Variants in CUX1 observed in about 807,000 individuals in gnomAD.
CUX1 encodes the protein cut like homeobox 1.
In CUX1, 31 loss-of-function variants were observed where a neutral mutation model predicts 158.8. That is an observed-to-expected ratio of 0.20 (90% CI 0.15 to 0.26). CUX1 has a LOEUF of 0.26. CUX1 is among the 10% of genes least tolerant of loss of function. CUX1 has a pLI of 1.00. For missense variants in CUX1, 1,589 were observed against 2,014.6 expected, an observed-to-expected ratio of 0.79 and a Z score of 4.04; for synonymous variants, 879 against 862.1, an observed-to-expected ratio of 1.02 and a Z score of -0.34.
At chr7:102,188,340 C>G (rs1299029976) in intron 11 of CUX1, among the ~76,000 whole-genome samples, 1 of 152,160 alleles carries the variant, frequency 6.6e-6, no homozygotes, top group Non-Finnish European at 1.5e-5. Flanking sequence ...CGGCACCGCC[C>G]CTCCATATTC....
rs541073733 is a variant in CUX1 at position 101,952,219 on chromosome 7, C to CA, written c.141+36003dup. Among the ~76,000 whole-genome samples, 432 of 150,474 alleles carry CA rather than the reference C, an allele frequency of 2.9e-3. 4 individuals carry two copies. Among genetic ancestry groups the CA allele is most frequent in the South Asian group, 0.015 (73 of 4,730 alleles). On this transcript the variant is annotated intron_variant, in intron 2 of 23. Transcript: ENST00000292535. ...GCAACATAGCGAGACCCCGTCTCTA[C>CA]AAAAAAAAATACAAAAATTAGCTAG...
At chr7:102,247,640 A>C (rs1554537398) in intron 23 of CUX1, among the ~76,000 whole-genome samples, 1 of 152,154 alleles carries the variant, frequency 6.6e-6, no homozygotes, top group African/African-American at 2.4e-5. Context: ...CCTGGGCAAC[A>C]TGGCAAGACT....
At chr7:102,015,967 T>C (rs1449172027) in intron 2 of CUX1, among the ~76,000 whole-genome samples, 2 of 152,010 alleles carry the variant, frequency 1.3e-5, no homozygotes, top group East Asian at 3.9e-4. Context: ...CACATGCCAC[T>C]ACACGTGGCT....
At chr7:102,080,081 C>T (rs1466675998) in intron 4 of CUX1, among the ~76,000 whole-genome samples, 2 of 152,204 alleles carry the variant, frequency 1.3e-5, no homozygotes, top group Admixed American at 6.5e-5. Context: ...GACAAGCAGG[C>T]ATGACAAGAT....
In CUX1 at chr7:102,248,353, C is replaced by T. The variant is rs139336097; in HGVS notation, c.3888-59C>T. 1.4e-6 allele frequency: 2 copies of T among 1,463,882 alleles called. No individual in the cohort carries two copies. The highest frequency in any genetic ancestry group is 1.8e-6 in the Non-Finnish European group (2 of 1,089,636). 90.7% of individuals were successfully genotyped at this position (1,463,882 alleles called of 1,614,324 possible). Reference sequence around the variant, plus strand: ...AGAGAGGGGTCTGGCTGGGGTAGCACCAGAGGCCCTTTCCCCAGCAGCACC... The same window carrying T: ...AGAGAGGGGTCTGGCTGGGGTAGCATCAGAGGCCCTTTCCCCAGCAGCACC... On this transcript the variant is annotated intron_variant, in intron 23 of 23. Coordinates refer to ENST00000292535, the MANE Select transcript of CUX1 (RefSeq NM_181552.4). This position sits in a 1 kb window ranked among gnomAD's most constrained non-coding sequence, Gnocchi z 5.8.
rs759647619 is a variant in CUX1 at position 101,916,080 on chromosome 7, A to G, written c.31-35A>G. 5 of 1,455,504 alleles carry G rather than the reference A, an allele frequency of 3.4e-6. No homozygotes were observed. In the African/African-American group the frequency reaches 4.2e-5, roughly 12 times the overall value. The allele number at this position is 1,455,504 out of a possible 1,614,324, so 90.2% of individuals were successfully genotyped here. A position where few individuals can be genotyped will look rare whatever the true frequency, so the allele number is the denominator to read the frequency against. On this transcript the variant is annotated intron_variant, in intron 1 of 23. Transcript: ENST00000292535. The surrounding 1 kb of genome is among the most constrained non-coding windows in gnomAD (Gnocchi z 4.4). ...CCCTCCTCTAGTACACAGTGCAATT[A>G]CAATCTCACTTTTCCTTTCCTGTTT... is the stretch of plus-strand genomic sequence containing the variant.
At chr7:102,178,775 C>T in intron 11 of CUX1, 118 bp downstream of exon 11, 1 of 1,128,930 alleles carries the variant, frequency 8.9e-7, no homozygotes, top group South Asian at 1.5e-5. Flanking sequence ...CAACCTTGAA[C>T]CTCTGTAAAG....
At chr7:101,826,079 C>G (rs1214348253) in intron 1 of CUX1, among the ~76,000 whole-genome samples, 1 of 152,064 alleles carries the variant, frequency 6.6e-6, no homozygotes, top group Non-Finnish European at 1.5e-5. Flanking sequence ...TCCTTTCTGC[C>G]CCACCTAAAC....
intron 8 of CUX1, among the ~76,000 whole-genome samples, chr7:102,157,732 A>T (rs547942075): frequency 6.6e-6 from 1 of 152,120 alleles, no homozygotes; most frequent in African/African-American, 2.4e-5. Context: ...GTGAGCCGAG[A>T]TCTCATCATT....
chr7:102,085,070 T>C (rs554234340), intron 4 of CUX1, among the ~76,000 whole-genome samples: 13 of 152,180 alleles, frequency 8.5e-5, no homozygotes, highest in Admixed American at 7.2e-4. Context: ...AGAATTTTTG[T>C]CATAAATGGT....
chr7:102,246,264 C>T (rs1298525846), intron 23 of CUX1, among the ~76,000 whole-genome samples: 1 of 152,160 alleles, frequency 6.6e-6, no homozygotes, highest in Non-Finnish European at 1.5e-5. Flanking sequence ...CGCCCAGGAA[C>T]CTGTTCACAG....
intron 20 of CUX1, among the ~76,000 whole-genome samples, chr7:102,222,828 T>TTTTTTTTTTTTTTTTTTTA (rs1797952210): frequency 3.3e-5 from 2 of 60,104 alleles, no homozygotes; most frequent in African/African-American, 1.1e-4. Flanking sequence ...TTTTTTTTTT[T>TTTTTTTTTTTTTTTTTTTA]TTTTTTTTTG....
rs1024780087 is a variant in CUX1 at position 102,234,610 on chromosome 7, G to A, written c.3622+370G>A. 7.2e-5 allele frequency among the ~76,000 whole-genome samples: 11 copies of A among 152,202 alleles called. No homozygotes were observed. In the Middle Eastern group the frequency reaches 0.01, roughly 141 times the overall value. ...GGCTAGAGGCCTTCCTTTGTTATCA[G>A]AGAGAGAAATAAGAAATGCATTTTG... On this transcript the variant is annotated intron_variant, in intron 22 of 23. Transcript: ENST00000292535.
At chr7:101,822,794 G>C (rs924112399) in intron 1 of CUX1, among the ~76,000 whole-genome samples, 2 of 151,750 alleles carry the variant, frequency 1.3e-5, no homozygotes, top group Non-Finnish European at 2.9e-5. Flanking sequence ...CCAGATACTC[G>C]GCAGGCTGAG....
chr7:101,826,300 G>A (rs1584665071), intron 1 of CUX1, among the ~76,000 whole-genome samples: 1 of 152,122 alleles, frequency 6.6e-6, no homozygotes, highest in East Asian at 1.9e-4. Flanking sequence ...CCGGGCTCAA[G>A]CAATCCTTCC....
At chr7:102,156,324 G>A (rs1238304545) in intron 8 of CUX1, among the ~76,000 whole-genome samples, 1 of 152,142 alleles carries the variant, frequency 6.6e-6, no homozygotes, top group Non-Finnish European at 1.5e-5. Flanking sequence ...CAAGGACATG[G>A]CCCTGGCTCC....
intron 1 of CUX1, among the ~76,000 whole-genome samples, chr7:101,856,206 A>AGG (rs34387433): frequency 4.8e-5 from 7 of 146,364 alleles, no homozygotes; most frequent in African/African-American, 1.9e-4. Flanking sequence ...AAAAAAAAAA[A>AGG]GGAAACAAGA....
At chr7:101,993,106 G>A (rs1481512875) in intron 2 of CUX1, among the ~76,000 whole-genome samples, 1 of 152,188 alleles carries the variant, frequency 6.6e-6, no homozygotes, top group Non-Finnish European at 1.5e-5. Context: ...AAAGCAGGAG[G>A]ATCACCTTAG....
chr7:101,858,122 C>CA (rs920328004), intron 1 of CUX1, among the ~76,000 whole-genome samples: 1 of 151,928 alleles, frequency 6.6e-6, no homozygotes, highest in African/African-American at 2.4e-5. Context: ...GACTCTGTCT[C>CA]AAAAAAAGAG....
Sources: allele counts gnomAD v4.1 joint callset (sites outside exome capture counted in the v4.1 genomes callset), GRCh38; gene constraint gnomAD v4.1.1; non-coding constraint Gnocchi (gnomAD v3.1); transcripts MANE v1.5; gene names NCBI Gene and HGNC (gene_info 2026-07-23, HGNC 2026-07-21).